Variants in PTCH2 observed in about 807,000 individuals in gnomAD.
The protein encoded by PTCH2 is patched 2.
PTCH2 carries 96 observed loss-of-function variants against 117.9 expected under a neutral mutation model. The observed-to-expected ratio is 0.81, with a 90% CI of 0.69 to 0.96. The LOEUF (loss-of-function observed/expected upper bound fraction) is 0.96, where lower values mean the gene tolerates loss of function less well. Ranked by LOEUF, PTCH2 falls within the 50% of genes least tolerant of loss-of-function variation. The pLI is 0.00. For missense variants in PTCH2, 1,379 were observed against 1,562.5 expected (o/e 0.88, Z 1.98); for synonymous variants, 615 against 660.9 (o/e 0.93, Z 1.06).
At chr1:44,827,777 C>A in intron 14 of PTCH2, 63 bp from the exon 15 acceptor site, 1 of 1,611,728 alleles carries the variant, frequency 6.2e-7, no homozygotes, top group South Asian at 1.1e-5. Flanking sequence ...AGGCAGTGGA[C>A]TAAGCCCTCT....
At position 44,831,123 on chromosome 1, in the gene PTCH2, C is replaced by T; in HGVS notation, c.618-80G>A. ...ACTGCTGCTGGGGCGCCATGCTGTA[C>T]CCCACCCTCCTCTTATCTGCCGATT... On this transcript the variant is annotated intron_variant, in intron 5 of 21. Transcript: ENST00000372192. The surrounding 1 kb of genome is among the most constrained non-coding windows in gnomAD (Gnocchi z 4.3). The T allele has an allele frequency of 7.4e-7, 1 of 1,351,276 alleles. No individual in the cohort carries two copies. Among genetic ancestry groups the T allele is most frequent in the Non-Finnish European group, 1.0e-6 (1 of 970,904 alleles). The allele number at this position is 1,351,276 out of a possible 1,614,324, so 83.7% of individuals were successfully genotyped here.
Position 44,826,460 on chromosome 1 carries a change from C to T in PTCH2, c.2976+28G>A. 1 of 1,613,706 alleles carries T rather than the reference C, an allele frequency of 6.2e-7. No individual in the cohort carries two copies. On this transcript the variant is annotated intron_variant, in intron 18 of 21. Transcript: ENST00000372192. The surrounding 1 kb of genome is among the most constrained non-coding windows in gnomAD (Gnocchi z 5.1). ...GGCTGGGCAGGGAAGGGTGGGGTGT[C>T]TCTGTCCCCACTCCTGCAAGCACTC...
Position 44,826,615 on chromosome 1 carries a change from G to T in PTCH2, c.2849C>A (p.Pro950His). ...CAGATACTGTTCCCAGAAGAGGAAG[G>T]GGGAGCCGCTGGGGTAGGCGTGCAC... The part of the protein sequence containing the change: ...AGVHAYPSGS[P>H]FLFWEQYLGL... Residue 950 changes from proline to histidine, a missense_variant, in exon 18 of 22, where the codon CCC (proline) becomes CAC (histidine). By Grantham distance (77) the Pro-to-His change is moderately conservative (BLOSUM62 -2). Transcript: ENST00000372192. This position sits in a 1 kb window ranked among gnomAD's most constrained non-coding sequence, Gnocchi z 5.1. 1 of 1,613,368 alleles carries T rather than the reference G, an allele frequency of 6.2e-7. No individual in the cohort carries two copies. Among genetic ancestry groups the T allele is most frequent in the Non-Finnish European group, 8.5e-7 (1 of 1,180,012 alleles).
chr1:44,831,046 G>A lies in PTCH2; in HGVS notation c.618-3C>T. The A allele has an allele frequency of 6.2e-7, 1 of 1,610,742 alleles. No individual in the cohort carries two copies. On this transcript the variant is annotated splice_polypyrimidine_tract_variant and splice_region_variant and intron_variant, in intron 5 of 21. Transcript: ENST00000372192. The surrounding 1 kb of genome is among the most constrained non-coding windows in gnomAD (Gnocchi z 4.3). ...TCCACTGGATATCCGGGCGGCCGCT[G>A]AGGGAAAAGCCTATAGTTGGTGAGG...
rs16832263 is a variant in PTCH2 at position 44,833,378 on chromosome 1, G to A, written c.266-1037C>T. On this transcript the variant is annotated intron_variant, in intron 2 of 21. Coordinates refer to ENST00000372192, the MANE Select transcript of PTCH2 (RefSeq NM_003738.5). ...CTTTGCTGCCTGCTGGGACCCAAAC[G>A]TACTGCTTCTCTGAGACTCAAGCCC... 2.9e-4 allele frequency among the ~76,000 whole-genome samples: 44 copies of A among 151,232 alleles called. 2 individuals carry two copies. Among genetic ancestry groups the A allele is most frequent in the East Asian group, 1.7e-3 (9 of 5,144 alleles).
chr1:44,838,095 A>G (rs1458738573), intron 2 of PTCH2, among the ~76,000 whole-genome samples: 1 of 151,584 alleles, frequency 6.6e-6, no homozygotes, highest in Non-Finnish European at 1.5e-5. Flanking sequence ...AAAAAAAAAA[A>G]AGAAAGGATG....
intron 2 of PTCH2, among the ~76,000 whole-genome samples, chr1:44,834,876 A>G (rs1653617474): frequency 6.6e-6 from 1 of 152,238 alleles, no homozygotes; most frequent in Non-Finnish European, 1.5e-5. Flanking sequence ...TGGTAGAATT[A>G]GAATAAATGC....
In PTCH2 at chr1:44,824,445, G is replaced by C. The variant is rs150943129; in HGVS notation, c.3115-1060C>G. Among the ~76,000 whole-genome samples the C allele has an allele frequency of 3.2e-3, 483 of 151,840 alleles. 3 individuals are homozygous for C. The highest frequency in any genetic ancestry group is 0.011 in the African/African-American group (460 of 41,390). On this transcript the variant is annotated intron_variant, in intron 19 of 21. Transcript: ENST00000372192. ...TTGGTTCTGGCATCTCTGTATCTCTGGTATCTTTGTAGAACCCCTCCATTA... is the reference window on the plus strand; with the variant it reads ...TTGGTTCTGGCATCTCTGTATCTCTCGTATCTTTGTAGAACCCCTCCATTA...
At chr1:44,842,441 T>G (rs1653995585) in intron 1 of PTCH2, among the ~76,000 whole-genome samples, 1 of 151,808 alleles carries the variant, frequency 6.6e-6, no homozygotes, top group South Asian at 2.1e-4. Flanking sequence ...CACCACGCCC[T>G]GCTAATTTTT....
rs1337855606 is a variant in PTCH2 at position 44,826,954 on chromosome 1, TG to T, written c.2642del (p.Pro881HisfsTer112). On this transcript the variant is annotated frameshift_variant, in exon 17 of 22. Transcript: ENST00000372192. LOFTEE classifies it high-confidence loss of function. The surrounding 1 kb of genome is among the most constrained non-coding windows in gnomAD (Gnocchi z 5.1). ...ATTTGTCGTGCAGCCATTCAGGAGG[TG>T]GGGGGTAGAAGTTGGCCTGTGAGGC... is the stretch of plus-strand genomic sequence containing the variant. Reference protein sequence around the residue: ...LAASQANFYPPPPEWLHDKYD... With the variant: ...LAASQANFYPXPPEWLHDKYD... 3 of 1,613,460 alleles carry T rather than the reference TG, an allele frequency of 1.9e-6. No individual in the cohort carries two copies. Among genetic ancestry groups the T allele is most frequent in the South Asian group, 1.1e-5 (1 of 91,046 alleles).
intron 2 of PTCH2, among the ~76,000 whole-genome samples, chr1:44,835,459 T>C (rs961830197): frequency 3.9e-5 from 6 of 152,184 alleles, no homozygotes. Flanking sequence ...CAAACATCAA[T>C]AAGTTACTAT....
Position 44,831,873 on chromosome 1 carries a change from A to G in PTCH2, c.526-76T>C. 1.9e-6 allele frequency: 3 copies of G among 1,579,730 alleles called. No individual in the cohort carries two copies. The highest frequency in any genetic ancestry group is 2.6e-6 in the Non-Finnish European group (3 of 1,149,122). ...GATGCCCTCTGCAATCCCCCTCCTT[A>G]GTTTTAAGGGGGCAGATTGCAGGCT... On this transcript the variant is annotated intron_variant, in intron 4 of 21. Coordinates refer to ENST00000372192, the MANE Select transcript of PTCH2 (RefSeq NM_003738.5). The surrounding 1 kb of genome is among the most constrained non-coding windows in gnomAD (Gnocchi z 4.3).
In PTCH2 at chr1:44,842,957, C is replaced by T. The variant is rs769254406; in HGVS notation, c.-25G>A. On this transcript the variant is annotated 5_prime_UTR_variant, in exon 1 of 22. Transcript: ENST00000372192. ...TGCTGGCGGGGATGGGGGGCGCGGG[C>T]GCCCCCAACCCGCGTTATCTGGGCG... is the stretch of plus-strand genomic sequence containing the variant. 8 of 1,521,624 alleles carry T rather than the reference C, an allele frequency of 5.3e-6. No individual in the cohort carries two copies. Among genetic ancestry groups the T allele is most frequent in the South Asian group, 2.5e-5 (2 of 80,678 alleles). 94.3% of individuals were successfully genotyped at this position (1,521,624 alleles called of 1,614,324 possible).
chr1:44,822,308 G>A lies in PTCH2; in HGVS notation c.*107C>T, dbSNP rs956198072. The A allele has an allele frequency of 1.9e-6, 3 of 1,595,956 alleles. No homozygotes were observed. Among genetic ancestry groups the A allele is most frequent in the Non-Finnish European group, 1.7e-6 (2 of 1,177,002 alleles). On this transcript the variant is annotated 3_prime_UTR_variant, in exon 22 of 22. Transcript: ENST00000372192. Reference sequence around the variant, plus strand: ...CAGCTGGGTCGGGAGAGGGGATGCAGCAGCAGCAGGGCCCTCCAGGGGTCC... The same window carrying A: ...CAGCTGGGTCGGGAGAGGGGATGCAACAGCAGCAGGGCCCTCCAGGGGTCC...
In PTCH2 at chr1:44,823,785, A is replaced by G. The variant is rs780888814; in HGVS notation, c.3115-400T>C. Among the ~76,000 whole-genome samples, 3 of 152,098 alleles carry G rather than the reference A, an allele frequency of 2.0e-5. No homozygotes were observed. The highest frequency in any genetic ancestry group is 4.4e-5 in the Non-Finnish European group (3 of 68,024). Reference sequence around the variant, plus strand: ...AAAACCCTGTCTCTATAACAAATACAAAAATTAGCTGGGTGTGGTTGTGTG... The same window carrying G: ...AAAACCCTGTCTCTATAACAAATACGAAAATTAGCTGGGTGTGGTTGTGTG... On this transcript the variant is annotated intron_variant, in intron 19 of 21. Coordinates refer to ENST00000372192, the MANE Select transcript of PTCH2 (RefSeq NM_003738.5). This position sits in a 1 kb window ranked among gnomAD's most constrained non-coding sequence, Gnocchi z 5.1.
intron 21 of PTCH2, 55 bp from the exon 22 acceptor site, chr1:44,822,724 C>T: frequency 6.4e-7 from 1 of 1,556,324 alleles, no homozygotes; most frequent in Non-Finnish European, 8.9e-7. Flanking sequence ...CTCCCGTCCC[C>T]TTTAGCATCT....
At chr1:44,834,123 T>C (rs1046579080) in intron 2 of PTCH2, among the ~76,000 whole-genome samples, 4 of 84,088 alleles carry the variant, frequency 4.8e-5, no homozygotes, top group East Asian at 4.0e-4. Flanking sequence ...GTTCCTTCCC[T>C]TTTTTTTTTT....
chr1:44,840,172 G>A (rs1419230318), intron 2 of PTCH2, among the ~76,000 whole-genome samples: 1 of 147,278 alleles, frequency 6.8e-6, no homozygotes, highest in African/African-American at 2.6e-5. Flanking sequence ...CGGCGATCTT[G>A]GCTCACTGCA....
intron 2 of PTCH2, among the ~76,000 whole-genome samples, chr1:44,832,716 C>T (rs1201157278): frequency 6.6e-6 from 1 of 152,134 alleles, no homozygotes; most frequent in African/African-American, 2.4e-5. Flanking sequence ...CTCAGTCCCT[C>T]TCTGTTCTGG....
Sources: gnomAD v4.1 joint callset for allele counts (sites outside exome capture counted in the v4.1 genomes callset) on GRCh38, gnomAD v4.1.1 for gene constraint, Gnocchi (gnomAD v3.1) non-coding constraint, MANE v1.5 for transcripts, NCBI Gene and HGNC (gene_info 2026-07-23, HGNC 2026-07-21) for gene names.